ERBB4: variants seen among roughly 807,000 people sequenced by gnomAD.
The protein encoded by ERBB4 is erb-b2 receptor tyrosine kinase 4.
Under a neutral mutation model 158.0 loss-of-function variants are expected in ERBB4, and 42 were observed. The observed-to-expected ratio is 0.27, with a 90% CI of 0.21 to 0.34. ERBB4 has a LOEUF of 0.34. ERBB4 is among the 10% of genes least tolerant of loss of function. The pLI is 1.00. For missense variants in ERBB4, 1,333 were observed against 1,624.1 expected (o/e 0.82, Z 3.08); for synonymous variants, 583 against 558.7 (o/e 1.04, Z -0.61).
chr2:211,753,791 T>G (rs866849483), intron 4 of ERBB4, among the ~76,000 whole-genome samples: 5 of 148,910 alleles, frequency 3.4e-5, no homozygotes, highest in African/African-American at 9.8e-5. Flanking sequence ...GATAACCTAC[T>G]GTCTTACTGG....
chr2:211,577,643 A>T (rs1318048576), intron 19 of ERBB4, among the ~76,000 whole-genome samples: 1 of 152,194 alleles, frequency 6.6e-6, no homozygotes, highest in Non-Finnish European at 1.5e-5. Context: ...CTTGGGATTC[A>T]AGGCTGGTTC....
intron 2 of ERBB4, among the ~76,000 whole-genome samples, chr2:212,107,693 T>C (rs7424712): frequency 0.44 from 67,444 of 152,004 alleles, 16,593 homozygotes; most frequent in Non-Finnish European, 0.57. Flanking sequence ...TCATCTTGAA[T>C]TGTAGCTCCA....
chr2:212,176,789 C>T (rs1327460920), intron 1 of ERBB4, among the ~76,000 whole-genome samples: 1 of 151,728 alleles, frequency 6.6e-6, no homozygotes, highest in Non-Finnish European at 1.5e-5. Flanking sequence ...TTATGTTGAT[C>T]CATCTACGTG....
intron 1 of ERBB4, among the ~76,000 whole-genome samples, chr2:212,477,223 G>A (rs1370394674): frequency 6.6e-6 from 1 of 152,052 alleles, no homozygotes; most frequent in Non-Finnish European, 1.5e-5. Flanking sequence ...TAGCTGGAAG[G>A]CAAAACTCAA....
intron 19 of ERBB4, among the ~76,000 whole-genome samples, chr2:211,580,554 A>C (rs1399944604): frequency 3.3e-5 from 5 of 151,730 alleles, no homozygotes; most frequent in Non-Finnish European, 7.4e-5. Context: ...GCTGGTGGGA[A>C]TGTAAACTAG....
intron 20 of ERBB4, among the ~76,000 whole-genome samples, chr2:211,467,497 C>T (rs568273939): frequency 7.2e-5 from 11 of 152,276 alleles, no homozygotes; most frequent in East Asian, 1.9e-4. Flanking sequence ...TGCTTGTCTA[C>T]GTTCACAGTG....
At position 211,744,783 on chromosome 2, in the gene ERBB4, C is replaced by T. The variant is rs199755838; in HGVS notation, c.622+5856G>A. The stretch of plus-strand genomic sequence containing the variant: ...GAAATATATGCGTCACTTCAGTTTC[C>T]TTAGCTGAGGTGTGGGGCTTTTTAA... On this transcript the variant is annotated intron_variant, in intron 5 of 27. Transcript: ENST00000342788. 3.3e-5 allele frequency among the ~76,000 whole-genome samples: 5 copies of T among 152,180 alleles called. 1 individual carries two copies. The East Asian group carries it at 9.6e-4, about 29-fold the overall frequency.
chr2:211,719,778 C>A (rs2074036467), intron 7 of ERBB4, among the ~76,000 whole-genome samples: 1 of 151,558 alleles, frequency 6.6e-6, no homozygotes, highest in Admixed American at 6.6e-5. Flanking sequence ...TCGCTTGAAC[C>A]CGGGATGCAG....
intron 2 of ERBB4, among the ~76,000 whole-genome samples, chr2:211,960,299 C>T (rs1308324914): frequency 6.6e-6 from 1 of 152,040 alleles, no homozygotes; most frequent in African/African-American, 2.4e-5. Context: ...GAGACCCTTC[C>T]TGGCCAATGA....
intron 1 of ERBB4, among the ~76,000 whole-genome samples, chr2:212,479,510 G>A (rs73063170): frequency 0.016 from 2,461 of 152,192 alleles, 72 homozygotes; most frequent in African/African-American, 0.056. Context: ...ACTGTGCGCC[G>A]AGCACTACGC....
At chr2:211,755,492 C>T (rs978943093) in intron 4 of ERBB4, among the ~76,000 whole-genome samples, 2 of 152,020 alleles carry the variant, frequency 1.3e-5, no homozygotes, top group Admixed American at 6.6e-5. Flanking sequence ...ACGGATCAGA[C>T]CCTGTCTCAA....
chr2:211,659,676 A>C (rs887293983), intron 15 of ERBB4, among the ~76,000 whole-genome samples: 2 of 152,202 alleles, frequency 1.3e-5, no homozygotes, highest in African/African-American at 4.8e-5. Context: ...AAAAGTGTGA[A>C]TATGAAAGAT....
intron 1 of ERBB4, among the ~76,000 whole-genome samples, chr2:212,127,827 G>A (rs1158580984): frequency 6.6e-6 from 1 of 152,060 alleles, no homozygotes; most frequent in Admixed American, 6.6e-5. Context: ...GCCAAGGAAT[G>A]CCAAAGATTG....
At chr2:211,601,033 C>T (rs550464101) in intron 19 of ERBB4, among the ~76,000 whole-genome samples, 8 of 152,006 alleles carry the variant, frequency 5.3e-5, no homozygotes, top group Non-Finnish European at 1.0e-4. Context: ...AAGAAAAGAA[C>T]CCTGAGGGAG....
chr2:212,472,645 GT>G (rs567994030), intron 1 of ERBB4, among the ~76,000 whole-genome samples: 2 of 151,710 alleles, frequency 1.3e-5, no homozygotes, highest in Non-Finnish European at 3.0e-5. Flanking sequence ...TAAAGGAATA[GT>G]TTGTTTTAGT....
In ERBB4 at chr2:211,713,555, C is replaced by T; in HGVS notation, c.977G>A (p.Cys326Tyr). The part of the protein sequence containing the change: ...EENGIKMCKP[C>Y]TDICPKACDG... ...CTCACCTTTTGGGCAAATGTCAGTG[C>T]AAGGTTTACACATTTTAATCCCATT... is the stretch of plus-strand genomic sequence containing the variant. Residue 326 changes from cysteine to tyrosine, a missense_variant, in exon 8 of 28, where the codon TGC (cysteine) becomes TAC (tyrosine). Cys to Tyr is a radical substitution (Grantham distance 194). This residue lies in a region of ERBB4 where 438 missense variants were observed against 586.9 expected (regional missense o/e 0.75). Coordinates refer to ENST00000342788, the MANE Select transcript of ERBB4 (RefSeq NM_005235.3). 6.2e-7 allele frequency: 1 copy of T among 1,607,610 alleles called. No homozygotes were observed. Among genetic ancestry groups the T allele is most frequent in the Non-Finnish European group, 8.5e-7 (1 of 1,174,578 alleles).
At chr2:212,308,624 T>TC (rs35676419) in intron 1 of ERBB4, among the ~76,000 whole-genome samples, 7,162 of 151,012 alleles carry the variant, frequency 0.047, 584 homozygotes, top group African/African-American at 0.17. Flanking sequence ...CAACATCTTT[T>TC]CCCCTCAACT....
At chr2:211,736,816 T>C (rs1398746753) in intron 5 of ERBB4, among the ~76,000 whole-genome samples, 8 of 152,148 alleles carry the variant, frequency 5.3e-5, no homozygotes, top group Admixed American at 5.2e-4. Context: ...TATTAAATTG[T>C]GGGCCAATAC....
chr2:212,250,882 A>G (rs908059126), intron 1 of ERBB4, among the ~76,000 whole-genome samples: 2 of 151,974 alleles, frequency 1.3e-5, no homozygotes, highest in African/African-American at 4.8e-5. Context: ...ATTTGTCAAA[A>G]TTAAATACTA....
Sources: gnomAD v4.1 joint callset for allele counts (sites outside exome capture counted in the v4.1 genomes callset) on GRCh38, gnomAD v4.1.1 for gene constraint, gnomAD v4.1.1 regional missense constraint, MANE v1.5 for transcripts, NCBI Gene and HGNC (gene_info 2026-07-23, HGNC 2026-07-21) for gene names.